KIR3DL1: variants seen among roughly 807,000 people sequenced by gnomAD.
KIR3DL1 encodes killer cell immunoglobulin like receptor, three Ig domains and long cytoplasmic tail 1.
In KIR3DL1, 50 loss-of-function variants were observed where a neutral mutation model predicts 40.3. The observed-to-expected ratio is 1.24, with a 90% CI of 0.99 to 1.57. The LOEUF (loss-of-function observed/expected upper bound fraction) is 1.57, where lower values mean the gene tolerates loss of function less well. KIR3DL1 is among the 40% of genes most tolerant of loss of function. KIR3DL1 has a pLI of 0.00. For missense variants in KIR3DL1, 661 were observed against 559.9 expected (o/e 1.18, Z -1.82); for synonymous variants, 257 against 207.2 (o/e 1.24, Z -2.07).
chr19:54,823,484 T>C (rs1396903142), intron 5 of KIR3DL1, among the ~76,000 whole-genome samples: 1 of 151,280 alleles, frequency 6.6e-6, no homozygotes. Context: ...GCCATTTTAC[T>C]TTACTTTATT....
In KIR3DL1 at chr19:54,819,745, C is replaced by G. The variant is rs369811343; in HGVS notation, c.388C>G (p.Pro130Ala). 1.7e-5 allele frequency: 28 copies of G among 1,609,976 alleles called. 2 individuals are homozygous for G. Among genetic ancestry groups the G allele is most frequent in the East Asian group, 2.2e-5 (1 of 44,690 alleles). Residue 130 changes from proline to alanine, a missense_variant, in exon 4 of 9, where the codon CCA (proline) becomes GCA (alanine). Around this residue, in one of 3 missense-constraint regions of KIR3DL1, gnomAD observed 548 missense variants for 413.3 expected, o/e 1.33. Coordinates refer to ENST00000391728, the Ensembl canonical transcript of KIR3DL1. Reference sequence around the variant, plus strand: ...CAGAAAACCTTCCCTCCTGGCCCACCCAGGTCCCCTGGTGAAATCAGGAGA... The same window carrying G: ...CAGAAAACCTTCCCTCCTGGCCCACGCAGGTCCCCTGGTGAAATCAGGAGA...
At chr19:54,830,533 C>T in exon 9 of KIR3DL1, 1 of 503,294 alleles carries the variant, frequency 2.0e-6, no homozygotes, top group Non-Finnish European at 3.5e-6. Context: ...CTGCCCACCT[C>T]TCCAACCTAA....
chr19:54,822,519 T>C (rs371567586), intron 5 of KIR3DL1, among the ~76,000 whole-genome samples: 1 of 149,232 alleles, frequency 6.7e-6, no homozygotes. Context: ...TCCTAGCTAC[T>C]TGGGAGGCTG....
In KIR3DL1 at chr19:54,829,256, G is replaced by A. The variant is rs202227755; in HGVS notation, c.1001-105G>A. On this transcript the variant is annotated intron_variant, in intron 6 of 8. Coordinates refer to ENST00000391728, the Ensembl canonical transcript of KIR3DL1. ...TCTCCCGCCATCTGGGTGCTTGTCC[G>A]AAAGAGATGCTGTAAGTGGTTACCT... 21 of 925,446 alleles carry A rather than the reference G, an allele frequency of 2.3e-5. 3 individuals carry two copies. Among genetic ancestry groups the A allele is most frequent in the East Asian group, 5.5e-5 (2 of 36,336 alleles). 57.3% of individuals were successfully genotyped at this position (925,446 alleles called of 1,614,324 possible).
intron 7 of KIR3DL1, 114 bp downstream of exon 7, chr19:54,829,579 C>T: frequency 1.1e-6 from 1 of 939,940 alleles, no homozygotes; most frequent in South Asian, 1.6e-5. Context: ...AAGACAGGAG[C>T]CACAGAGGCA....
intron 4 of KIR3DL1, 70 bp downstream of exon 4, chr19:54,820,082 C>G: frequency 6.6e-7 from 1 of 1,512,002 alleles, no homozygotes; most frequent in African/African-American, 1.4e-5. Flanking sequence ...CTTGGAACCC[C>G]CAGGTGGTCA....
rs1307951589 is a variant in KIR3DL1, at chr19:54,818,104, G to A, written c.71-211G>A. On this transcript the variant is annotated intron_variant, in intron 2 of 8. Coordinates refer to ENST00000391728, the Ensembl canonical transcript of KIR3DL1. ...TTTGCAGTATTAAAATCTAGTAAGA[G>A]TTGCTTCTCCAGCAACTTGCTCAAA... Among the ~76,000 whole-genome samples, 4 of 97,346 alleles carry A rather than the reference G, an allele frequency of 4.1e-5. 1 individual carries two copies. The highest frequency in any genetic ancestry group is 2.0e-4 in the African/African-American group (4 of 19,818). The allele number at this position is 97,346 out of a possible 152,430, so 63.9% of individuals were successfully genotyped here. A position where few individuals can be genotyped will look rare whatever the true frequency, so the allele number is the denominator to read the frequency against.
In KIR3DL1 at chr19:54,818,318, G is replaced by A. The variant is rs202067993; in HGVS notation, c.74G>A (p.Gly25Asp). 5.7e-5 allele frequency: 91 copies of A among 1,598,434 alleles called. 2 individuals carry two copies. The highest frequency in any genetic ancestry group is 7.1e-5 in the Non-Finnish European group (83 of 1,173,564). Reference sequence around the variant, plus strand: ...GCAGTGCCTCCTTCTCCCCCAGGTGGTCAGGACAAACCCTTCCTGTCTGCC... The same window carrying A: ...GCAGTGCCTCCTTCTCCCCCAGGTGATCAGGACAAACCCTTCCTGTCTGCC... Residue 25 changes from glycine (G) to aspartate (D), a missense_variant, in exon 3 of 9, where the codon GGT becomes GAT. Physicochemically the swap from Gly to Asp is moderately conservative, Grantham distance 94 (BLOSUM62 -1). Coordinates refer to ENST00000391728, the Ensembl canonical transcript of KIR3DL1.
Position 54,821,873 on chromosome 19 carries a change from T to C in KIR3DL1, c.949+15T>C, listed in dbSNP as rs1253768334. ...TTCTGTCACAGGTGAGAAAAGCCCA[T>C]ATCTCTCTCATGTCCTATGATCCTA... is the stretch of plus-strand genomic sequence containing the variant. On this transcript the variant is annotated intron_variant, in intron 5 of 8. Transcript: ENST00000391728. The C allele has an allele frequency of 8.8e-6, 14 of 1,596,054 alleles. No individual in the cohort carries two copies. The East Asian group carries it at 1.3e-4, about 15-fold the overall frequency.
chr19:54,821,777 AC>A lies in KIR3DL1; in HGVS notation c.870del (p.Tyr291ThrfsTer52). ...TCTGGGCCCTGCCACCCACGGAGGG[AC>A]CTACAGATGCTTCGGCTCTTTCCGT... On this transcript the variant is annotated frameshift_variant, in exon 5 of 9. Coordinates refer to ENST00000391728, the Ensembl canonical transcript of KIR3DL1. LOFTEE classifies it high-confidence loss of function. 1 of 1,607,454 alleles carries A rather than the reference AC, an allele frequency of 6.2e-7. No homozygotes were observed. The highest frequency in any genetic ancestry group is 1.7e-5 in the Admixed American group (1 of 59,806).
chr19:54,818,408 T>A, exon 3 of KIR3DL1: 1 of 1,607,510 alleles, frequency 6.2e-7, no homozygotes, highest in Non-Finnish European at 8.5e-7. Context: ...CGTCATAGGT[T>A]TAACAATTTC....
At chr19:54,823,874 A>AT (rs2061758600) in intron 5 of KIR3DL1, among the ~76,000 whole-genome samples, 1 of 151,496 alleles carries the variant, frequency 6.6e-6, no homozygotes, top group South Asian at 2.1e-4. Flanking sequence ...GTACTTTTTC[A>AT]TATACGTGAT....
chr19:54,825,144 G>GCA, intron 6 of KIR3DL1, 66 bp downstream of exon 6: 2 of 1,086,550 alleles, frequency 1.8e-6, no homozygotes, highest in South Asian at 2.5e-5. Context: ...TTGGATGCAA[G>GCA]TGTTGGCTCA....
intron 5 of KIR3DL1, among the ~76,000 whole-genome samples, chr19:54,823,386 A>G (rs1295512448): frequency 6.6e-6 from 1 of 151,340 alleles, no homozygotes; most frequent in Non-Finnish European, 1.5e-5. Flanking sequence ...TAATAGTTGT[A>G]CTAATTTACA....
intron 3 of KIR3DL1, among the ~76,000 whole-genome samples, chr19:54,819,116 C>A (rs373209957): frequency 1.3e-5 from 2 of 151,206 alleles, no homozygotes; most frequent in East Asian, 3.9e-4. Flanking sequence ...CTGTAGACAC[C>A]TTGATTTCAG....
In KIR3DL1 at chr19:54,818,698, C is replaced by G. The variant is rs190906395; in HGVS notation, c.355+99C>G. The G allele has an allele frequency of 1.5e-4, 223 of 1,473,542 alleles. 6 individuals are homozygous for G. The highest frequency in any genetic ancestry group is 7.8e-5 in the Non-Finnish European group (86 of 1,103,700). The allele number at this position is 1,473,542 out of a possible 1,614,324, so 91.3% of individuals were successfully genotyped here. ...CAGGGTCCCATCACCCAGGCCCTGA[C>G]TGTATTTGGGGTCAAGGGAGATTGA... On this transcript the variant is annotated intron_variant, in intron 3 of 8. Coordinates refer to ENST00000391728, the Ensembl canonical transcript of KIR3DL1.
chr19:54,822,188 G>T (rs767950496), intron 5 of KIR3DL1, among the ~76,000 whole-genome samples: 1 of 151,204 alleles, frequency 6.6e-6, no homozygotes, highest in Non-Finnish European at 1.5e-5. Flanking sequence ...GCCCATCATG[G>T]CCTCTCACCC....
exon 4 of KIR3DL1, chr19:54,819,956 C>G: frequency 6.2e-7 from 1 of 1,611,872 alleles, no homozygotes; most frequent in Non-Finnish European, 8.5e-7. Flanking sequence ...GGTTCTGTTA[C>G]TCACACCCCC....
chr19:54,825,153 C>G lies in KIR3DL1; in HGVS notation c.1000+75C>G, dbSNP rs2061818695. 30 of 943,282 alleles carry G rather than the reference C, an allele frequency of 3.2e-5. No individual in the cohort carries two copies. The South Asian group carries it at 3.7e-4, about 12-fold the overall frequency. The allele number at this position is 943,282 out of a possible 1,614,324, so 58.4% of individuals were successfully genotyped here. ...GAAGCCTTGGATGCAAGTGTTGGCT[C>G]AAACCTCCCAGCTCTGTGAATGAGG... On this transcript the variant is annotated intron_variant, in intron 6 of 8. Coordinates refer to ENST00000391728, the Ensembl canonical transcript of KIR3DL1.
Sources: allele counts gnomAD v4.1 joint callset (sites outside exome capture counted in the v4.1 genomes callset), GRCh38; gene constraint gnomAD v4.1.1; regional missense constraint gnomAD v4.1.1; transcripts MANE v1.5; gene names NCBI Gene and HGNC (gene_info 2026-07-23, HGNC 2026-07-21).